The following NRF1 variants were observed in gnomAD, a reference collection of about 807,000 sequenced individuals.
NRF1 encodes nuclear respiratory factor 1, also known as alpha palindromic-binding protein.
Under a neutral mutation model 58.5 loss-of-function variants are expected in NRF1, and 5 were observed. That is an observed-to-expected ratio of 0.09 (90% CI 0.04 to 0.18). The LOEUF is 0.18. NRF1 is among the 10% of genes least tolerant of loss of function. NRF1 has a pLI of 1.00. For missense variants in NRF1, 288 were observed against 657.7 expected, an observed-to-expected ratio of 0.44 and a Z score of 6.15; for synonymous variants, 224 against 246.7, an observed-to-expected ratio of 0.91 and a Z score of 0.86.
At position 129,755,478 on chromosome 7, in the gene NRF1, G is replaced by T. The variant is rs1245050376; in HGVS notation, c.*297G>T. The T allele has an allele frequency of 4.0e-6, 1 of 249,062 alleles. No homozygotes were observed. Among genetic ancestry groups the T allele is most frequent in the Non-Finnish European group, 7.8e-6 (1 of 128,536 alleles). 15.4% of individuals were successfully genotyped at this position (249,062 alleles called of 1,614,324 possible). ...TGTATACTTATGTGTGTGTATGTGT[G>T]AGTGTGAATATATGTATATGTGTAC... On this transcript the variant is annotated 3_prime_UTR_variant, in exon 11 of 11. Transcript: ENST00000393232. The surrounding 1 kb of genome is among the most constrained non-coding windows in gnomAD (Gnocchi z 5.8).
At chr7:129,736,482 C>T (rs1007664448) in intron 10 of NRF1, among the ~76,000 whole-genome samples, 1 of 151,950 alleles carries the variant, frequency 6.6e-6, no homozygotes, top group Non-Finnish European at 1.5e-5. Context: ...GTCTCGAACT[C>T]CTGACCTCAA....
chr7:129,717,450 G>A, intron 9 of NRF1, 74 bp downstream of exon 9: 2 of 1,469,642 alleles, frequency 1.4e-6, no homozygotes, highest in Admixed American at 4.8e-5. Flanking sequence ...GCCCCTTAAA[G>A]AGAAATGTGT....
At chr7:129,736,274 A>ATTT (rs61690883) in intron 10 of NRF1, among the ~76,000 whole-genome samples, 6 of 97,954 alleles carry the variant, frequency 6.1e-5, no homozygotes, top group African/African-American at 1.2e-4. Flanking sequence ...GCTCAATAGA[A>ATTT]TTTTTTTTTT....
At chr7:129,619,905 G>A (rs940113828) in intron 1 of NRF1, among the ~76,000 whole-genome samples, 3 of 151,812 alleles carry the variant, frequency 2.0e-5, no homozygotes, top group African/African-American at 7.3e-5. Context: ...TCTGGTTCTG[G>A]GGTTTATATA....
chr7:129,640,120 G>A (rs1380440989), intron 1 of NRF1, among the ~76,000 whole-genome samples: 4 of 152,186 alleles, frequency 2.6e-5, no homozygotes, highest in Non-Finnish European at 5.9e-5. Flanking sequence ...GGCAGTGATG[G>A]TGGGGTTGAG....
chr7:129,657,283 G>C, intron 1 of NRF1, 63 bp from the exon 2 acceptor site: 1 of 1,219,784 alleles, frequency 8.2e-7, no homozygotes. Flanking sequence ...ATATCTCTTA[G>C]TTTAAACATT....
chr7:129,665,402 G>C (rs1367071254), intron 2 of NRF1, among the ~76,000 whole-genome samples: 2 of 152,168 alleles, frequency 1.3e-5, no homozygotes, highest in African/African-American at 4.8e-5. Flanking sequence ...ATATCTGAAA[G>C]GTGACCCAGA....
chr7:129,654,490 C>T (rs1251926979), intron 1 of NRF1, among the ~76,000 whole-genome samples: 3 of 152,088 alleles, frequency 2.0e-5, no homozygotes, highest in Non-Finnish European at 4.4e-5. Context: ...CGATTTTTTG[C>T]TTTTATGGAT....
At chr7:129,624,409 T>C (rs1800870909) in intron 1 of NRF1, among the ~76,000 whole-genome samples, 1 of 152,220 alleles carries the variant, frequency 6.6e-6, no homozygotes, top group Non-Finnish European at 1.5e-5. Flanking sequence ...TTTGAATGAT[T>C]GTAGAAACCT....
chr7:129,731,383 T>G (rs1803575618), intron 10 of NRF1, among the ~76,000 whole-genome samples: 1 of 151,854 alleles, frequency 6.6e-6, no homozygotes, highest in Admixed American at 6.6e-5. Flanking sequence ...CCCTGAAGAC[T>G]TCTTTCTGGA....
At chr7:129,717,007 T>C (rs1803208054) in intron 8 of NRF1, among the ~76,000 whole-genome samples, 2 of 152,218 alleles carry the variant, frequency 1.3e-5, no homozygotes, top group Admixed American at 1.3e-4. Flanking sequence ...AATTTCTTCA[T>C]GCAAATGCAA....
At chr7:129,715,226 C>T (rs1256736485) in intron 8 of NRF1, among the ~76,000 whole-genome samples, 1 of 152,186 alleles carries the variant, frequency 6.6e-6, no homozygotes, top group East Asian at 1.9e-4. Context: ...ACATTTTTTA[C>T]CGTCCTGACT....
chr7:129,703,114 A>G (rs918207563), intron 5 of NRF1, among the ~76,000 whole-genome samples: 10 of 152,136 alleles, frequency 6.6e-5, no homozygotes, highest in African/African-American at 1.9e-4. Flanking sequence ...CATAATCTTT[A>G]CTTTTCACTG....
At position 129,619,423 on chromosome 7, in the gene NRF1, T is replaced by TACACACACAC. The variant is rs1353426092; in HGVS notation, c.-7+7600_-7+7601insCACACACACA. Among the ~76,000 whole-genome samples, 160 of 87,332 alleles carry TACACACACAC rather than the reference T, an allele frequency of 1.8e-3. 3 individuals are homozygous for TACACACACAC. The highest frequency in any genetic ancestry group is 0.01 in the African/African-American group (145 of 14,486). The allele number at this position is 87,332 out of a possible 152,430, so 57.3% of individuals were successfully genotyped here. Reference sequence around the variant, plus strand: ...ATATATATATATATATATATATATATATATATATATACACACACACACACA... The same window carrying TACACACACAC: ...ATATATATATATATATATATATATATACACACACACATATATATATACACACACACACACA... On this transcript the variant is annotated intron_variant, in intron 1 of 10. Coordinates refer to ENST00000393232, the MANE Select transcript of NRF1 (RefSeq NM_005011.5).
chr7:129,664,047 C>T (rs1269560315), intron 2 of NRF1, among the ~76,000 whole-genome samples: 4 of 151,868 alleles, frequency 2.6e-5, no homozygotes, highest in African/African-American at 9.7e-5. Flanking sequence ...ATCACCGGAG[C>T]CCAGGGCAGG....
rs1340715796 is a variant in NRF1 at position 129,731,370 on chromosome 7, G to A, written c.1348+4005G>A. On this transcript the variant is annotated intron_variant, in intron 10 of 10. Transcript: ENST00000393232. ...TGAAGACATTGCACCTAGCACCTGC[G>A]CACCCTGAAGACTTCTTTCTGGACA... is the stretch of plus-strand genomic sequence containing the variant. Among the ~76,000 whole-genome samples the A allele has an allele frequency of 3.3e-5, 5 of 151,560 alleles. No homozygotes were observed. The South Asian group carries it at 6.2e-4, about 19-fold the overall frequency.
intron 1 of NRF1, among the ~76,000 whole-genome samples, chr7:129,651,412 T>C (rs1326229383): frequency 1.1e-5 from 1 of 91,778 alleles, no homozygotes; most frequent in East Asian, 3.4e-4. Context: ...AGAGTGAGAC[T>C]CTGTCTCAAA....
At chr7:129,634,454 C>T (rs1229496271) in intron 1 of NRF1, among the ~76,000 whole-genome samples, 3 of 152,110 alleles carry the variant, frequency 2.0e-5, no homozygotes, top group African/African-American at 7.2e-5. Flanking sequence ...GTAGCCTTTT[C>T]AGATTGGCTT....
intron 1 of NRF1, among the ~76,000 whole-genome samples, chr7:129,623,719 A>G (rs73466621): frequency 0.016 from 2,501 of 152,304 alleles, 65 homozygotes; most frequent in African/African-American, 0.057. Context: ...TAGTGACTGC[A>G]TTTAGTATCT....
Sources: allele counts gnomAD v4.1 joint callset (sites outside exome capture counted in the v4.1 genomes callset), GRCh38; gene constraint gnomAD v4.1.1; non-coding constraint Gnocchi (gnomAD v3.1); transcripts MANE v1.5; gene names NCBI Gene and HGNC (gene_info 2026-07-23, HGNC 2026-07-21).